The following SCFD2 variants were observed in gnomAD, a reference collection of about 807,000 sequenced individuals.
SCFD2 encodes the protein sec1 family domain containing 2, also known as sec1 family domain-containing protein 2.
SCFD2 carries 54 observed loss-of-function variants against 58.9 expected under a neutral mutation model. The ratio of observed to expected loss-of-function variants is 0.92; its 90% CI spans 0.74 to 1.15. The LOEUF is 1.15. SCFD2 is among the 50% of genes most tolerant of loss of function. The pLI is 0.00. For synonymous variants in SCFD2, 321 were observed against 335.9 expected, an observed-to-expected ratio of 0.96 and a Z score of 0.49; for missense variants, 805 against 836.6, an observed-to-expected ratio of 0.96 and a Z score of 0.47.
intron 2 of SCFD2, among the ~76,000 whole-genome samples, chr4:53,336,730 G>A (rs1733696876): frequency 6.6e-6 from 1 of 151,992 alleles, no homozygotes; most frequent in Non-Finnish European, 1.5e-5. Flanking sequence ...GCCCAGGCTG[G>A]TCTCGAACTC....
chr4:53,269,481 G>T (rs1174952905), intron 4 of SCFD2, among the ~76,000 whole-genome samples: 2 of 152,072 alleles, frequency 1.3e-5, no homozygotes, highest in African/African-American at 4.8e-5. Context: ...TCTGACAGAA[G>T]ATAAATCAAA....
At chr4:53,297,463 GT>G (rs534174943) in intron 3 of SCFD2, among the ~76,000 whole-genome samples, 10 of 146,092 alleles carry the variant, frequency 6.8e-5, no homozygotes, top group African/African-American at 2.2e-4. Flanking sequence ...GCAACCCTTG[GT>G]TTTTTTTTTG....
intron 4 of SCFD2, among the ~76,000 whole-genome samples, chr4:53,182,298 A>C (rs1321128624): frequency 1.3e-5 from 2 of 152,194 alleles, no homozygotes; most frequent in Admixed American, 6.5e-5. Context: ...CTGGTACCAA[A>C]ACAGAGATAT....
intron 5 of SCFD2, among the ~76,000 whole-genome samples, chr4:52,978,914 G>T (rs1414225666): frequency 6.6e-6 from 1 of 152,088 alleles, no homozygotes; most frequent in Non-Finnish European, 1.5e-5. Context: ...AGTGTAACCT[G>T]TTGGACTGGG....
intron 4 of SCFD2, among the ~76,000 whole-genome samples, chr4:53,207,560 AATATATATAATATTTATATATATATAAT>A (rs1560385293): frequency 5.3e-5 from 5 of 94,058 alleles, no homozygotes; most frequent in African/African-American, 1.9e-4. Flanking sequence ...ATTTATATAT[AATATATATAATATTTATATATATATAAT>A]ATATATATAA....
intron 4 of SCFD2, among the ~76,000 whole-genome samples, chr4:53,218,357 C>T (rs897693982): frequency 3.9e-5 from 6 of 152,108 alleles, no homozygotes; most frequent in African/African-American, 1.4e-4. Flanking sequence ...ACTCTTTTTT[C>T]TCTAAACTTC....
chr4:53,320,879 T>C (rs1313021889), intron 2 of SCFD2, among the ~76,000 whole-genome samples: 4 of 152,246 alleles, frequency 2.6e-5, no homozygotes, highest in Non-Finnish European at 5.9e-5. Flanking sequence ...TTTAATATCA[T>C]GGTTTCAAAA....
At position 53,283,426 on chromosome 4, in the gene SCFD2, A is replaced by T. The variant is rs569318322; in HGVS notation, c.1136-9425T>A. Among the ~76,000 whole-genome samples the T allele has an allele frequency of 3.3e-5, 5 of 152,316 alleles. No homozygotes were observed. The South Asian group carries it at 1.0e-3, about 32-fold the overall frequency. ...ATACTGATGCTATGAACATTCTAAGACATGCCTTTCAGTGGACATAATCAT... is the reference window on the plus strand; with the variant it reads ...ATACTGATGCTATGAACATTCTAAGTCATGCCTTTCAGTGGACATAATCAT... On this transcript the variant is annotated intron_variant, in intron 3 of 8. Coordinates refer to ENST00000401642, the MANE Select transcript of SCFD2 (RefSeq NM_152540.4).
chr4:53,294,822 G>A (rs1194456101), intron 3 of SCFD2, among the ~76,000 whole-genome samples: 1 of 151,786 alleles, frequency 6.6e-6, no homozygotes, highest in Non-Finnish European at 1.5e-5. Context: ...TTGTGTAGGT[G>A]TAAGGAAGGA....
chr4:53,103,761 A>G (rs1724897774), intron 5 of SCFD2, among the ~76,000 whole-genome samples: 1 of 100,492 alleles, frequency 1.0e-5, no homozygotes, highest in African/African-American at 3.2e-5. Context: ...TCCAGAAAGT[A>G]AGGAAGTAAA....
chr4:53,132,154 A>G (rs984088567), intron 5 of SCFD2, among the ~76,000 whole-genome samples: 1 of 152,270 alleles, frequency 6.6e-6, no homozygotes, highest in Non-Finnish European at 1.5e-5. Context: ...AGCTACCTCA[A>G]TAGGAAGCTC....
intron 3 of SCFD2, among the ~76,000 whole-genome samples, chr4:53,293,402 A>G (rs2149088562): frequency 6.6e-6 from 1 of 152,304 alleles, no homozygotes; most frequent in Non-Finnish European, 1.5e-5. Flanking sequence ...GCAAACCACC[A>G]TGGCACAAGT....
intron 5 of SCFD2, among the ~76,000 whole-genome samples, chr4:53,091,175 G>A (rs1724458645): frequency 1.3e-5 from 2 of 152,160 alleles, no homozygotes; most frequent in African/African-American, 2.4e-5. Flanking sequence ...TTAAATCTAT[G>A]GGCTGAAGAA....
intron 5 of SCFD2, among the ~76,000 whole-genome samples, chr4:53,067,091 T>G (rs1723684279): frequency 6.6e-6 from 1 of 152,076 alleles, no homozygotes; most frequent in Non-Finnish European, 1.5e-5. Context: ...TAATGATAAC[T>G]AGCATTCTAC....
intron 5 of SCFD2, among the ~76,000 whole-genome samples, chr4:52,934,706 A>G (rs1295250270): frequency 6.6e-6 from 1 of 152,216 alleles, no homozygotes; most frequent in Non-Finnish European, 1.5e-5. Context: ...TGCAAAATTT[A>G]TGTTAAAAAA....
intron 3 of SCFD2, among the ~76,000 whole-genome samples, chr4:53,292,502 A>T (rs1349928511): frequency 6.6e-6 from 1 of 152,178 alleles, no homozygotes; most frequent in East Asian, 1.9e-4. Context: ...CCACAATGAG[A>T]TACAATCTCA....
intron 5 of SCFD2, among the ~76,000 whole-genome samples, chr4:52,960,887 T>G (rs976391211): frequency 7.9e-5 from 12 of 152,188 alleles, no homozygotes; most frequent in Non-Finnish European, 1.8e-4. Flanking sequence ...TTTAAGGACC[T>G]TAGCGCCTAA....
chr4:53,232,627 C>T (rs1277432101), intron 4 of SCFD2, among the ~76,000 whole-genome samples: 2 of 152,130 alleles, frequency 1.3e-5, no homozygotes, highest in Admixed American at 1.3e-4. Context: ...CACTGCAACA[C>T]AATACTGCAA....
At chr4:52,946,754 C>G (rs1311258596) in intron 5 of SCFD2, among the ~76,000 whole-genome samples, 1 of 152,080 alleles carries the variant, frequency 6.6e-6, no homozygotes, top group Non-Finnish European at 1.5e-5. Flanking sequence ...TTGGAACCTC[C>G]TAGAACAAAG....
Sources: allele counts gnomAD v4.1 joint callset (sites outside exome capture counted in the v4.1 genomes callset), GRCh38; gene constraint gnomAD v4.1.1; transcripts MANE v1.5; gene names NCBI Gene and HGNC (gene_info 2026-07-23, HGNC 2026-07-21).